The following METTL21C variants were observed in gnomAD, a reference collection of about 807,000 sequenced individuals.
METTL21C encodes protein-lysine methyltransferase METTL21C.
A neutral mutation model predicts 25.9 loss-of-function variants in METTL21C; 21 were observed. The observed-to-expected ratio is 0.81, with a 90% CI of 0.58 to 1.17. The LOEUF (loss-of-function observed/expected upper bound fraction) is 1.17. METTL21C is among the 50% of genes most tolerant of loss of function. METTL21C has a pLI of 0.00. For synonymous variants in METTL21C, 125 were observed against 124.7 expected, an observed-to-expected ratio of 1.00 and a Z score of -0.01; for missense variants, 312 against 315.1, an observed-to-expected ratio of 0.99 and a Z score of 0.07.
Position 102,690,799 on chromosome 13 carries a change from GA to G in METTL21C, c.282+13del. 6.2e-7 allele frequency: 1 copy of G among 1,611,842 alleles called. No homozygotes were observed. On this transcript the variant is annotated intron_variant, in intron 2 of 3. Coordinates refer to ENST00000267273, the MANE Select transcript of METTL21C (RefSeq NM_001010977.3). ...CCAGAAATCCTGACATCACAAATAT[GA>G]CAGTTCTCTCACCCCTGGCCACACC...
the METTL21C span, among the ~76,000 whole-genome samples, chr13:102,701,936 G>A: frequency 1.3e-5 from 2 of 151,976 alleles, no homozygotes; most frequent in African/African-American, 2.4e-5. Context: ...AGGCTGAGGC[G>A]GGCAAATCAC....
At chr13:102,695,312 G>A (rs553140670), upstream of METTL21C, among the ~76,000 whole-genome samples, 1 of 152,258 alleles carries the variant, frequency 6.6e-6, no homozygotes, top group African/African-American at 2.4e-5. Context: ...TTAGAGCAGA[G>A]GGAAGAGGAA....
At position 102,690,857 on chromosome 13, in the gene METTL21C, T is replaced by A; in HGVS notation, c.238A>T (p.Ile80Phe). 1 of 1,614,204 alleles carries A rather than the reference T, an allele frequency of 6.2e-7. No individual in the cohort carries two copies. The highest frequency in any genetic ancestry group is 8.5e-7 in the Non-Finnish European group (1 of 1,180,034). ...HYRFAGKEIV[I>F]QESIESYGAV... ...CCGTAACTCTCTATGGATTCCTGGATGACAATCTCCTTTCCTGCAAACCGA... is the reference window on the plus strand; with the variant it reads ...CCGTAACTCTCTATGGATTCCTGGAAGACAATCTCCTTTCCTGCAAACCGA... The change falls in exon 2 of 4, where the codon ATC (isoleucine) becomes TTC (phenylalanine). Residue 80 changes from isoleucine to phenylalanine, a missense_variant. Physicochemically the swap from Ile to Phe is conservative, Grantham distance 21. Coordinates refer to ENST00000267273, the MANE Select transcript of METTL21C (RefSeq NM_001010977.3).
chr13:102,701,164 T>C, the METTL21C span, among the ~76,000 whole-genome samples: 2 of 151,974 alleles, frequency 1.3e-5, no homozygotes, highest in Non-Finnish European at 2.9e-5. Context: ...CATGAGGCCA[T>C]GCTGTCAAGG....
chr13:102,692,664 T>A lies in METTL21C; in HGVS notation c.131-1700A>T, dbSNP rs563076712. Among the ~76,000 whole-genome samples the A allele has an allele frequency of 3.3e-5, 5 of 152,294 alleles. No homozygotes were observed. The East Asian group carries it at 9.7e-4, about 29-fold the overall frequency. On this transcript the variant is annotated intron_variant, in intron 1 of 3. Coordinates refer to ENST00000267273, the MANE Select transcript of METTL21C (RefSeq NM_001010977.3). ...TGTTGTTTTAGCCTGTGACTTTGATTTAGTATGTTCTACCACTTTGAAGGA... is the reference window on the plus strand; with the variant it reads ...TGTTGTTTTAGCCTGTGACTTTGATATAGTATGTTCTACCACTTTGAAGGA...
upstream of METTL21C, among the ~76,000 whole-genome samples, chr13:102,699,747 A>T (rs752655833): frequency 1.5e-4 from 23 of 152,166 alleles, no homozygotes; most frequent in Non-Finnish European, 2.8e-4. Flanking sequence ...AGCTGGTAAC[A>T]CAGTGGCCCA....
chr13:102,694,211 G>A (rs1389596159), intron 1 of METTL21C, among the ~76,000 whole-genome samples, 158 bp downstream of exon 1: 1 of 152,022 alleles, frequency 6.6e-6, no homozygotes, highest in Non-Finnish European at 1.5e-5. Context: ...CAGGAATTAT[G>A]TTTATACTTG....
At position 102,694,404 on chromosome 13, in the gene METTL21C, GC is replaced by G; in HGVS notation, c.94del (p.Ala32LeufsTer11). On this transcript the variant is annotated frameshift_variant, in exon 1 of 4. Coordinates refer to ENST00000267273, the MANE Select transcript of METTL21C (RefSeq NM_001010977.3). LOFTEE classifies it high-confidence loss of function. ...TCCCCCGGTGCTGTCTTTCTGCGGA[GC>G]CCCCTTCTTCTCAGCCTCTAACCAG... is the stretch of plus-strand genomic sequence containing the variant. ...GGWLEAEKKGAPQKDSTGGVL... is the reference protein window; with the variant it reads ...GGWLEAEKKGXPQKDSTGGVL... 1.3e-6 allele frequency: 2 copies of G among 1,493,534 alleles called. No individual in the cohort carries two copies. Among genetic ancestry groups the G allele is most frequent in the Non-Finnish European group, 1.8e-6 (2 of 1,128,902 alleles). The allele number at this position is 1,493,534 out of a possible 1,614,324, so 92.5% of individuals were successfully genotyped here.
At chr13:102,695,814 TTTC>T (rs1332548208), upstream of METTL21C, among the ~76,000 whole-genome samples, 1 of 152,242 alleles carries the variant, frequency 6.6e-6, no homozygotes, top group African/African-American at 2.4e-5. Flanking sequence ...CTGCAACTTA[TTTC>T]TTCCAGGTGT....
chr13:102,694,799 G>GA lies in METTL21C; in HGVS notation c.-302dup, dbSNP rs1031900926. ...TTTGATGAACAAAATCCAGCCAGTG[G>GA]AAGCCCAAGTTATTTAGGGTAGCAT... On this transcript the variant is annotated 5_prime_UTR_variant, in exon 1 of 4. Coordinates refer to ENST00000267273, the MANE Select transcript of METTL21C (RefSeq NM_001010977.3). Among the ~76,000 whole-genome samples the GA allele has an allele frequency of 6.6e-6, 1 of 151,682 alleles. No individual in the cohort carries two copies. The highest frequency in any genetic ancestry group is 1.5e-5 in the Non-Finnish European group (1 of 67,970).
chr13:102,691,580 C>T (rs1054897274), intron 1 of METTL21C, among the ~76,000 whole-genome samples: 33 of 152,020 alleles, frequency 2.2e-4, no homozygotes, highest in African/African-American at 8.0e-4. Flanking sequence ...AAACTCCTGA[C>T]CTCGTGATCC....
chr13:102,686,484 C>T (rs1282950853), intron 3 of METTL21C, 59 bp from the exon 4 acceptor site: 5 of 1,524,376 alleles, frequency 3.3e-6, no homozygotes, highest in Non-Finnish European at 4.4e-6. Context: ...TGTACATATA[C>T]CCAGGGAGAA....
At chr13:102,697,989 A>G (rs1056517625), upstream of METTL21C, among the ~76,000 whole-genome samples, 9 of 152,322 alleles carry the variant, frequency 5.9e-5, no homozygotes, top group African/African-American at 1.4e-4. Context: ...GCAGAGCAGC[A>G]GCCAGGGCAC....
At chr13:102,698,853 G>A (rs1415466326), upstream of METTL21C, among the ~76,000 whole-genome samples, 6 of 152,246 alleles carry the variant, frequency 3.9e-5, no homozygotes, top group South Asian at 2.1e-4. Flanking sequence ...ATAACACATC[G>A]GCCTTGAGAT....
At chr13:102,701,542 G>T in the METTL21C span, among the ~76,000 whole-genome samples, 1 of 152,108 alleles carries the variant, frequency 6.6e-6, no homozygotes, top group South Asian at 2.1e-4. Flanking sequence ...CAAGACAAAC[G>T]TTTAGGGGAC....
At position 102,686,027 on chromosome 13, in the gene METTL21C, G is replaced by A. The variant is rs775469595; in HGVS notation, c.*4C>T. On this transcript the variant is annotated 3_prime_UTR_variant, in exon 4 of 4. Coordinates refer to ENST00000267273, the MANE Select transcript of METTL21C (RefSeq NM_001010977.3). ...GTAACGTTGTGAAAGGCATTTTGTTGGATTTAGTCCCATTTTAGTATCCCC... is the reference window on the plus strand; with the variant it reads ...GTAACGTTGTGAAAGGCATTTTGTTAGATTTAGTCCCATTTTAGTATCCCC... 1.3e-6 allele frequency: 2 copies of A among 1,554,026 alleles called. No homozygotes were observed. Among genetic ancestry groups the A allele is most frequent in the South Asian group, 1.2e-5 (1 of 80,862 alleles).
chr13:102,704,294 A>C, the METTL21C span, among the ~76,000 whole-genome samples: 1 of 152,214 alleles, frequency 6.6e-6, no homozygotes, highest in Non-Finnish European at 1.5e-5. Flanking sequence ...TGACAGGGTC[A>C]AGTTCTACCA....
Position 102,686,915 on chromosome 13 carries a change from C to T in METTL21C, c.400+25G>A, listed in dbSNP as rs758385093. ...TGTTGTTACAGTAAAGATCTGGATA[C>T]TAGGTCAGGAATAAACAAACAAACC... is the stretch of plus-strand genomic sequence containing the variant. On this transcript the variant is annotated intron_variant, in intron 3 of 3. Coordinates refer to ENST00000267273, the MANE Select transcript of METTL21C (RefSeq NM_001010977.3). 6 of 1,553,458 alleles carry T rather than the reference C, an allele frequency of 3.9e-6. No individual in the cohort carries two copies. The South Asian group carries it at 6.7e-5, about 17-fold the overall frequency.
intron 1 of METTL21C, among the ~76,000 whole-genome samples, chr13:102,692,043 A>C (rs1187015049): frequency 2.6e-5 from 4 of 152,100 alleles, no homozygotes; most frequent in African/African-American, 9.7e-5. Context: ...AACAGTGCGG[A>C]GAGTAGGGGG....
Sources: allele counts gnomAD v4.1 joint callset (sites outside exome capture counted in the v4.1 genomes callset), GRCh38; gene constraint gnomAD v4.1.1; transcripts MANE v1.5; gene names NCBI Gene and HGNC (gene_info 2026-07-23, HGNC 2026-07-21).